INPP5D: variants seen among roughly 807,000 people sequenced by gnomAD.
INPP5D encodes the protein phosphatidylinositol 3,4,5-trisphosphate 5-phosphatase 1.
INPP5D carries 33 observed loss-of-function variants against 122.9 expected under a neutral mutation model. The ratio of observed to expected loss-of-function variants is 0.27; its 90% confidence interval spans 0.20 to 0.36. The LOEUF (loss-of-function observed/expected upper bound fraction) is 0.36, where lower values mean the gene tolerates loss of function less well. Among genes scored for constraint, INPP5D ranks in the 10% least tolerant of loss-of-function variants. INPP5D has a pLI of 1.00. For missense variants in INPP5D, 1,053 were observed against 1,412.7 expected (o/e 0.75, Z 4.08); for synonymous variants, 584 against 576.2 (o/e 1.01, Z -0.19).
intron 1 of INPP5D, among the ~76,000 whole-genome samples, chr2:233,074,480 G>A (rs1211685710): frequency 6.6e-6 from 1 of 152,182 alleles, no homozygotes; most frequent in Non-Finnish European, 1.5e-5. Context: ...GCAAGAAATG[G>A]CCTCTTTTCA....
At position 233,189,777 on chromosome 2, in the gene INPP5D, C is replaced by A. The variant is rs1018914401; in HGVS notation, c.2359-73C>A. Reference sequence around the variant, plus strand: ...AAGAACACCTTTCGTCATCTTCATCCACTTGTCCACCCACCTGTCCCCTCA... The same window carrying A: ...AAGAACACCTTTCGTCATCTTCATCAACTTGTCCACCCACCTGTCCCCTCA... On this transcript the variant is annotated intron_variant, in intron 21 of 26. Transcript: ENST00000445964. This position sits in a 1 kb window ranked among gnomAD's most constrained non-coding sequence, Gnocchi z 5.6. 7.6e-6 allele frequency: 12 copies of A among 1,571,594 alleles called. No homozygotes were observed. In the Admixed American group the frequency reaches 1.8e-4, roughly 24 times the overall value.
intron 5 of INPP5D, among the ~76,000 whole-genome samples, chr2:233,131,361 C>T (rs1693320465): frequency 6.6e-6 from 1 of 151,984 alleles, no homozygotes; most frequent in Non-Finnish European, 1.5e-5. Context: ...AATTCCAGAG[C>T]ATCTGAACAA....
intron 1 of INPP5D, among the ~76,000 whole-genome samples, chr2:233,075,576 A>G (rs1157923311): frequency 6.6e-6 from 1 of 151,916 alleles, no homozygotes; most frequent in African/African-American, 2.4e-5. Context: ...ACATGTATGC[A>G]TATGTTGTGT....
intron 5 of INPP5D, among the ~76,000 whole-genome samples, chr2:233,139,310 G>A (rs1441660574): frequency 6.6e-6 from 1 of 152,198 alleles, no homozygotes; most frequent in Non-Finnish European, 1.5e-5. Context: ...GTCAATGGAT[G>A]TGACAATGGG....
intron 2 of INPP5D, among the ~76,000 whole-genome samples, chr2:233,118,298 G>A (rs1692861925): frequency 6.6e-6 from 1 of 152,060 alleles, no homozygotes. Context: ...ACCTTTCTGG[G>A]CCCAGGTTCA....
intron 13 of INPP5D, chr2:233,169,005 G>A: frequency 2.8e-6 from 1 of 354,672 alleles, no homozygotes; most frequent in Admixed American, 4.0e-5. Context: ...TCTTCCCAGG[G>A]CTTCTGGCTG....
At chr2:233,187,365 A>G (rs1473152526) in intron 21 of INPP5D, among the ~76,000 whole-genome samples, 1 of 152,190 alleles carries the variant, frequency 6.6e-6, no homozygotes, top group Non-Finnish European at 1.5e-5. Flanking sequence ...GTCCCAGGCC[A>G]GGCAGATCCA....
chr2:233,129,044 T>C (rs905326000), intron 4 of INPP5D, among the ~76,000 whole-genome samples: 4 of 152,050 alleles, frequency 2.6e-5, no homozygotes, highest in African/African-American at 9.7e-5. Context: ...CATGTGCCTG[T>C]GGTGTCAGCT....
At chr2:233,061,035 C>G (rs893612834) in intron 1 of INPP5D, among the ~76,000 whole-genome samples, 1 of 152,160 alleles carries the variant, frequency 6.6e-6, no homozygotes, top group African/African-American at 2.4e-5. Flanking sequence ...CCTGGAGCAC[C>G]CAGGCTTCGG....
chr2:233,157,490 A>G (rs766976575), intron 9 of INPP5D, among the ~76,000 whole-genome samples: 9 of 152,360 alleles, frequency 5.9e-5, no homozygotes, highest in Middle Eastern at 3.4e-3. Flanking sequence ...TGTCTAGAAA[A>G]AGAGAAACAT....
chr2:233,193,784 A>G, intron 22 of INPP5D, 28 bp from the exon 23 acceptor site: 3 of 1,613,580 alleles, frequency 1.9e-6, no homozygotes, highest in Non-Finnish European at 2.5e-6. Flanking sequence ...CAGGGTCTTC[A>G]CCCAGCTGTC....
intron 13 of INPP5D, among the ~76,000 whole-genome samples, chr2:233,165,441 C>G (rs7567663): frequency 6.7e-6 from 1 of 149,446 alleles, no homozygotes. Flanking sequence ...TGTACCACCC[C>G]GTATCTATGA....
At chr2:233,199,502 C>T (rs1695275772) in intron 25 of INPP5D, among the ~76,000 whole-genome samples, 1 of 151,040 alleles carries the variant, frequency 6.6e-6, no homozygotes, top group Non-Finnish European at 1.5e-5. Flanking sequence ...CACCAGTGCA[C>T]TCCAGCCTGG....
At chr2:233,194,496 T>A (rs1695132569) in intron 23 of INPP5D, among the ~76,000 whole-genome samples, 1 of 26,452 alleles carries the variant, frequency 3.8e-5, no homozygotes, top group Non-Finnish European at 8.4e-5. Flanking sequence ...TGCTTTTTTT[T>A]TTTTTTTTTT....
chr2:233,203,075 G>C (rs1467950785), intron 25 of INPP5D, among the ~76,000 whole-genome samples: 1 of 152,232 alleles, frequency 6.6e-6, no homozygotes, highest in Non-Finnish European at 1.5e-5. Flanking sequence ...CCTGAGCTCA[G>C]ATTCTGTCCT....
rs146427299 is a variant in INPP5D at position 233,178,530 on chromosome 2, T to C, written c.2071+1184T>C. Among the ~76,000 whole-genome samples the C allele has an allele frequency of 4.0e-3, 611 of 152,128 alleles. 4 individuals are homozygous for C. Among genetic ancestry groups the C allele is most frequent in the African/African-American group, 0.014 (586 of 41,480 alleles). On this transcript the variant is annotated intron_variant, in intron 18 of 26. Coordinates refer to ENST00000445964, the MANE Select transcript of INPP5D (RefSeq NM_001017915.3). The stretch of plus-strand genomic sequence containing the variant: ...CGGAGTCTCTCTCAGTCGCCCAGGC[T>C]GGAGTACAGTGGCAAAATCTCGGCT...
intron 2 of INPP5D, among the ~76,000 whole-genome samples, chr2:233,117,611 C>CT (rs1458333156): frequency 3.3e-5 from 5 of 152,094 alleles, no homozygotes; most frequent in Non-Finnish European, 5.9e-5. Flanking sequence ...GTGGTAACTA[C>CT]TATGAGTTCG....
intron 21 of INPP5D, among the ~76,000 whole-genome samples, 154 bp downstream of exon 21, chr2:233,186,079 C>G (rs1457221937): frequency 6.6e-6 from 1 of 152,196 alleles, no homozygotes; most frequent in Non-Finnish European, 1.5e-5. Context: ...AGCAAGCTCT[C>G]GCTCAAGGTG....
chr2:233,121,862 G>A (rs774621962), intron 2 of INPP5D, among the ~76,000 whole-genome samples: 22 of 152,110 alleles, frequency 1.4e-4, no homozygotes, highest in Non-Finnish European at 3.1e-4. Flanking sequence ...TTTTAAAAAC[G>A]GAAAGAAAAA....
Sources: allele counts gnomAD v4.1 joint callset (sites outside exome capture counted in the v4.1 genomes callset), GRCh38; gene constraint gnomAD v4.1.1; non-coding constraint Gnocchi (gnomAD v3.1); transcripts MANE v1.5; gene names NCBI Gene and HGNC (gene_info 2026-07-23, HGNC 2026-07-21).